The following TMEM94 variants were observed in gnomAD, a reference collection of about 807,000 sequenced individuals.
TMEM94 encodes the protein transmembrane protein 94, also known as ER Mg2+ ATPase.
In TMEM94, 81 loss-of-function variants were observed where a neutral mutation model predicts 158.6. The observed-to-expected ratio is 0.51, with a 90% CI of 0.43 to 0.61. The LOEUF (loss-of-function observed/expected upper bound fraction) is 0.61, where lower values mean the gene tolerates loss of function less well. TMEM94 is among the 20% of genes least tolerant of loss of function. TMEM94 has a pLI of 0.00. For missense variants in TMEM94, 1,435 were observed against 1,762.0 expected (o/e 0.81, Z 3.32); for synonymous variants, 751 against 730.7 (o/e 1.03, Z -0.45).
intron 2 of TMEM94, chr17:75,476,660 G>A (rs2050706459): frequency 6.5e-7 from 1 of 1,534,998 alleles, no homozygotes; most frequent in Admixed American, 2.0e-5. Flanking sequence ...AGTTCTTGCA[G>A]CTGACTGCTT....
intron 5 of TMEM94, 111 bp downstream of exon 5, chr17:75,486,537 C>A: frequency 1.5e-6 from 2 of 1,324,378 alleles, no homozygotes; most frequent in Non-Finnish European, 2.1e-6. Context: ...GCCAGCATTG[C>A]AGGGGCTCTT....
At chr17:75,466,939 G>C (rs1407681499) in intron 1 of TMEM94, among the ~76,000 whole-genome samples, 1 of 151,542 alleles carries the variant, frequency 6.6e-6, no homozygotes, top group Non-Finnish European at 1.5e-5. Flanking sequence ...GCAGTGTACA[G>C]GTCTTACATA....
chr17:75,493,177 C>T (rs978619117), intron 16 of TMEM94, 75 bp downstream of exon 16: 8 of 1,474,540 alleles, frequency 5.4e-6, no homozygotes, highest in Non-Finnish European at 5.5e-6. Flanking sequence ...CCCAGCCCCA[C>T]CCATTGCTAG....
chr17:75,492,632 G>A lies in TMEM94; in HGVS notation c.1755G>A (p.Leu585=), dbSNP rs773779631. Reference sequence around the variant, plus strand: ...TGCACCTCACCTCCCTCAAACCCCTGGGCCTCAATGTGCTGCTGAACCTGT... The same window carrying A: ...TGCACCTCACCTCCCTCAAACCCCTAGGCCTCAATGTGCTGCTGAACCTGT... ...WQLHLTSLKP[L]GLNVLLNLCD... is the part of the protein sequence containing the mutation. The change falls in exon 15 of 32, where the codon CTG becomes CTA. Residue 585 remains leucine, a synonymous_variant. Coordinates refer to ENST00000314256, the MANE Select transcript of TMEM94 (RefSeq NM_014738.6). This position sits in a 1 kb window ranked among gnomAD's most constrained non-coding sequence, Gnocchi z 4.4. 1 of 1,614,040 alleles carries A rather than the reference G, an allele frequency of 6.2e-7. No homozygotes were observed. Among genetic ancestry groups the A allele is most frequent in the South Asian group, 1.1e-5 (1 of 91,080 alleles).
At chr17:75,458,427 G>T (rs919178792) in intron 1 of TMEM94, among the ~76,000 whole-genome samples, 1 of 152,100 alleles carries the variant, frequency 6.6e-6, no homozygotes, top group African/African-American at 2.4e-5. Flanking sequence ...AGGTTCAAAA[G>T]AGTCAAAGTA....
At chr17:75,472,419 C>T (rs1401270057) in intron 2 of TMEM94, among the ~76,000 whole-genome samples, 2 of 152,210 alleles carry the variant, frequency 1.3e-5, no homozygotes, top group African/African-American at 4.8e-5. Context: ...CCTGGTTTGG[C>T]CCAGCCTCCA....
chr17:75,495,898 G>A lies in TMEM94; in HGVS notation c.2945-68G>A. 1.7e-6 allele frequency: 2 copies of A among 1,161,826 alleles called. No individual in the cohort carries two copies. Among genetic ancestry groups the A allele is most frequent in the Non-Finnish European group, 1.3e-6 (1 of 783,768 alleles). The allele number at this position is 1,161,826 out of a possible 1,614,324, so 72.0% of individuals were successfully genotyped here. A position where few individuals can be genotyped will look rare whatever the true frequency, so the allele number is the denominator to read the frequency against. On this transcript the variant is annotated intron_variant, in intron 22 of 31. Transcript: ENST00000314256. This position sits in a 1 kb window ranked among gnomAD's most constrained non-coding sequence, Gnocchi z 5.6. ...TCGCCTCCTGCTCTCCTGTCCCATG[G>A]GTCTCTGCCCAGTGCCCACTTGGTG...
intron 1 of TMEM94, among the ~76,000 whole-genome samples, chr17:75,461,492 A>G (rs908311053): frequency 6.6e-6 from 1 of 152,152 alleles, no homozygotes; most frequent in Non-Finnish European, 1.5e-5. Flanking sequence ...GGGCAGAAAA[A>G]AGTATAAAAA....
chr17:75,497,176 T>A lies in TMEM94; in HGVS notation c.3385T>A (p.Cys1129Ser). Residue 1129 changes from cysteine (C) to serine (S), a missense_variant, in exon 26 of 32, where the codon TGC becomes AGC. Transcript: ENST00000314256. ...LSTTDILWLS[C>S]FCYPLLSISL... ...TACCACCGACATCCTGTGGCTGTCC[T>A]GCTTTTGCTACCCTCTGCTCAGGTG... 1 of 1,613,958 alleles carries A rather than the reference T, an allele frequency of 6.2e-7. No homozygotes were observed. Among genetic ancestry groups the A allele is most frequent in the African/African-American group, 1.3e-5 (1 of 75,020 alleles).
chr17:75,476,447 C>T (rs1373932317), intron 2 of TMEM94: 2 of 1,322,152 alleles, frequency 1.5e-6, no homozygotes, highest in Admixed American at 3.4e-5. Flanking sequence ...CCTTCCAGGG[C>T]TGCTGCCTCC....
At position 75,493,579 on chromosome 17, in the gene TMEM94, C is replaced by G. The variant is rs767907329; in HGVS notation, c.2175C>G (p.Leu725=). 6.2e-7 allele frequency: 1 copy of G among 1,614,012 alleles called. No homozygotes were observed. The highest frequency in any genetic ancestry group is 8.5e-7 in the Non-Finnish European group (1 of 1,180,020). ...GGGACGGAGCTGACATCTACCCTCT[C>G]TCGGGATCTGACAGGTGGGTGAGGA... ...DFWDGADIYP[L]SGSDRKKVLD... Residue 725 remains leucine, a synonymous_variant, in exon 17 of 32, where the codon CTC becomes CTG. Transcript: ENST00000314256.
Position 75,498,306 on chromosome 17 carries a change from C to T in TMEM94, c.3621C>T (p.Ser1207=), listed in dbSNP as rs767878716. 1.2e-5 allele frequency: 19 copies of T among 1,613,076 alleles called. No individual in the cohort carries two copies. Among genetic ancestry groups the T allele is most frequent in the Non-Finnish European group, 1.6e-5 (19 of 1,180,022 alleles). ...GGGACCGCAACCTCACCAACTGCTCCTCCGTCATGCTGCCCAGGTGGGTCC... is the reference window on the plus strand; with the variant it reads ...GGGACCGCAACCTCACCAACTGCTCTTCCGTCATGCTGCCCAGGTGGGTCC... ...SSRDRNLTNC[S]SVMLPSNDDR... is the part of the protein sequence containing the mutation. Residue 1207 remains serine (S), a synonymous_variant, in exon 28 of 32, where the codon TCC becomes TCT. Coordinates refer to ENST00000314256, the MANE Select transcript of TMEM94 (RefSeq NM_014738.6). This position sits in a 1 kb window ranked among gnomAD's most constrained non-coding sequence, Gnocchi z 6.7.
chr17:75,468,112 T>C (rs890648051), intron 1 of TMEM94, among the ~76,000 whole-genome samples: 1 of 152,222 alleles, frequency 6.6e-6, no homozygotes, highest in African/African-American at 2.4e-5. Context: ...ATACTGGAGC[T>C]AGGATTTGAA....
chr17:75,468,394 A>T (rs1467812204), intron 1 of TMEM94, among the ~76,000 whole-genome samples: 3 of 152,208 alleles, frequency 2.0e-5, no homozygotes, highest in African/African-American at 7.2e-5. Context: ...CACAGTCCCC[A>T]TCTGGCTCCT....
At chr17:75,496,991 C>T (rs2052758869) in intron 25 of TMEM94, 122 bp from the exon 26 acceptor site, 4 of 1,048,398 alleles carry the variant, frequency 3.8e-6, no homozygotes, top group Non-Finnish European at 5.9e-6. Flanking sequence ...CCCTCCGGCC[C>T]CTGTTCCCTC....
intron 23 of TMEM94, 85 bp downstream of exon 23, chr17:75,496,159 T>G (rs771744868): frequency 5.1e-5 from 78 of 1,517,808 alleles, no homozygotes; most frequent in Admixed American, 1.1e-4. Context: ...GCTGGGGGTG[T>G]GTACTATAGC....
intron 2 of TMEM94, among the ~76,000 whole-genome samples, chr17:75,480,261 G>T (rs1274683176): frequency 6.6e-6 from 1 of 152,244 alleles, no homozygotes; most frequent in Non-Finnish European, 1.5e-5. Context: ...TGCAGGGCTG[G>T]CCTGTGCGGG....
chr17:75,499,106 C>T (rs1204312749), intron 31 of TMEM94, 24 bp downstream of exon 31: 2 of 1,574,546 alleles, frequency 1.3e-6, no homozygotes, highest in Middle Eastern at 1.7e-4. Flanking sequence ...AGGGCGCCTC[C>T]CTCTGGGCTC....
At chr17:75,477,506 C>T (rs1598345889) in intron 2 of TMEM94, among the ~76,000 whole-genome samples, 1 of 152,066 alleles carries the variant, frequency 6.6e-6, no homozygotes, top group East Asian at 1.9e-4. Flanking sequence ...GCCTCGGCCT[C>T]CCAAAGTGCT....
Sources: allele counts gnomAD v4.1 joint callset (sites outside exome capture counted in the v4.1 genomes callset), GRCh38; gene constraint gnomAD v4.1.1; non-coding constraint Gnocchi (gnomAD v3.1); transcripts MANE v1.5; gene names NCBI Gene and HGNC (gene_info 2026-07-23, HGNC 2026-07-21).